The following INPP4B variants were observed in gnomAD, a reference collection of about 807,000 sequenced individuals.
INPP4B encodes the protein inositol polyphosphate-4-phosphatase type II B, also known as inositol polyphosphate 4-phosphatase type II.
In INPP4B, 55 loss-of-function variants were observed where a neutral mutation model predicts 122.5. The ratio of observed to expected loss-of-function variants is 0.45; its 90% CI spans 0.36 to 0.56. The LOEUF is 0.56. Ranked by LOEUF, INPP4B falls within the 20% of genes least tolerant of loss-of-function variation. INPP4B has a pLI of 0.00. For synonymous variants in INPP4B, 403 were observed against 388.7 expected (o/e 1.04, Z -0.43); for missense variants, 1,000 against 1,097.7 (o/e 0.91, Z 1.26).
chr4:142,384,048 G>A, intron 7 of INPP4B: 3 of 701,376 alleles, frequency 4.3e-6, no homozygotes, highest in Non-Finnish European at 7.8e-6. Flanking sequence ...TGAGCAAGTT[G>A]TCTCAAGTTG....
chr4:142,701,363 G>C (rs1021567171), intron 2 of INPP4B, among the ~76,000 whole-genome samples: 1 of 151,930 alleles, frequency 6.6e-6, no homozygotes, highest in Non-Finnish European at 1.5e-5. Context: ...AATGAGGAAG[G>C]TCAACTCTAA....
chr4:142,226,864 C>G (rs1256643294), intron 12 of INPP4B, among the ~76,000 whole-genome samples: 1 of 152,176 alleles, frequency 6.6e-6, no homozygotes, highest in Non-Finnish European at 1.5e-5. Context: ...ATGTTCTACA[C>G]TCCTACACTG....
At chr4:142,801,842 TAAC>T (rs1037197885) in intron 1 of INPP4B, among the ~76,000 whole-genome samples, 7 of 152,176 alleles carry the variant, frequency 4.6e-5, no homozygotes, top group African/African-American at 1.7e-4. Context: ...ACTAAAATAA[TAAC>T]AAATTCTGTT....
intron 2 of INPP4B, among the ~76,000 whole-genome samples, chr4:142,526,332 A>G (rs952718629): frequency 2.0e-5 from 3 of 152,066 alleles, no homozygotes; most frequent in African/African-American, 7.2e-5. Flanking sequence ...AATACTTGCT[A>G]TAGTCACCCT....
At chr4:142,261,062 GA>G (rs1739751254) in intron 10 of INPP4B, among the ~76,000 whole-genome samples, 1 of 152,220 alleles carries the variant, frequency 6.6e-6, no homozygotes, top group African/African-American at 2.4e-5. Flanking sequence ...CAAAAAGTAT[GA>G]GGATCATTTA....
chr4:142,352,802 G>A (rs909373347), intron 7 of INPP4B, among the ~76,000 whole-genome samples: 2 of 151,896 alleles, frequency 1.3e-5, no homozygotes, highest in Non-Finnish European at 2.9e-5. Flanking sequence ...AACAGCATCC[G>A]AATTGCCTGT....
At chr4:142,739,429 G>T (rs555763647) in intron 1 of INPP4B, among the ~76,000 whole-genome samples, 2 of 151,938 alleles carry the variant, frequency 1.3e-5, no homozygotes, top group Non-Finnish European at 2.9e-5. Context: ...CTATAGAATG[G>T]GCATTAGATG....
At chr4:142,200,532 T>C (rs1840198430) in intron 14 of INPP4B, among the ~76,000 whole-genome samples, 1 of 152,096 alleles carries the variant, frequency 6.6e-6, no homozygotes, top group African/African-American at 2.4e-5. Context: ...TCCATATTTA[T>C]TTCCTTATCT....
intron 17 of INPP4B, among the ~76,000 whole-genome samples, chr4:142,158,645 A>G (rs1818474660): frequency 6.6e-6 from 1 of 152,042 alleles, no homozygotes; most frequent in South Asian, 2.1e-4. Flanking sequence ...TTGTTTACAT[A>G]TTTTTATCTA....
At chr4:142,252,806 T>C (rs1446027491) in intron 11 of INPP4B, among the ~76,000 whole-genome samples, 1 of 152,236 alleles carries the variant, frequency 6.6e-6, no homozygotes, top group Non-Finnish European at 1.5e-5. Context: ...CTTCACACTG[T>C]CTTCTAGTGT....
intron 9 of INPP4B, among the ~76,000 whole-genome samples, chr4:142,273,108 A>C (rs1746666711): frequency 6.6e-6 from 1 of 151,996 alleles, no homozygotes; most frequent in Non-Finnish European, 1.5e-5. Flanking sequence ...TACCCATGTG[A>C]ATCTTTGATT....
intron 10 of INPP4B, among the ~76,000 whole-genome samples, chr4:142,268,270 C>T (rs999192799): frequency 5.0e-4 from 66 of 130,940 alleles, no homozygotes; most frequent in Non-Finnish European, 1.2e-4. Flanking sequence ...TTGAAGTGAG[C>T]CAAGATCGCG....
intron 25 of INPP4B, among the ~76,000 whole-genome samples, chr4:142,053,828 G>A (rs1472647507): frequency 6.6e-6 from 1 of 152,016 alleles, no homozygotes; most frequent in African/African-American, 2.4e-5. Flanking sequence ...CGGTGACATA[G>A]ACTCCAGTGA....
rs541501222 is a variant in INPP4B, at chr4:142,832,101, C to A, written c.-254+14108G>T. On this transcript the variant is annotated intron_variant, in intron 1 of 25. Transcript: ENST00000262992. ...TTTAGCTGCCAATTTCTACGGATGG[C>A]TTTAACCAGTGGATTTGATGGAGGT... Among the ~76,000 whole-genome samples, 4 of 152,236 alleles carry A rather than the reference C, an allele frequency of 2.6e-5. No homozygotes were observed. The East Asian group carries it at 7.7e-4, about 29-fold the overall frequency.
intron 2 of INPP4B, among the ~76,000 whole-genome samples, chr4:142,524,298 C>T (rs1321288380): frequency 6.6e-6 from 1 of 152,052 alleles, no homozygotes; most frequent in Non-Finnish European, 1.5e-5. Flanking sequence ...TCCTATTTCT[C>T]CACATCCTCT....
intron 1 of INPP4B, among the ~76,000 whole-genome samples, chr4:142,841,066 A>T (rs1349145094): frequency 2.0e-5 from 3 of 152,076 alleles, no homozygotes; most frequent in Admixed American, 6.5e-5. Context: ...ATTTTTAACT[A>T]CTGCGCATCA....
At chr4:142,582,614 T>C (rs903553902) in intron 2 of INPP4B, among the ~76,000 whole-genome samples, 9 of 152,040 alleles carry the variant, frequency 5.9e-5, no homozygotes, top group African/African-American at 2.2e-4. Context: ...ATAAAGAAAA[T>C]GGTCTAACCA....
intron 2 of INPP4B, among the ~76,000 whole-genome samples, chr4:142,569,634 T>C (rs547156876): frequency 6.6e-6 from 1 of 152,248 alleles, no homozygotes; most frequent in East Asian, 1.9e-4. Flanking sequence ...GTTGTAAAAA[T>C]TTCTCTAAGG....
chr4:142,217,212 T>A (rs972478558), intron 12 of INPP4B, among the ~76,000 whole-genome samples: 1 of 152,204 alleles, frequency 6.6e-6, no homozygotes, highest in Non-Finnish European at 1.5e-5. Flanking sequence ...ATTGTAGCTC[T>A]ATTTAAAGCT....
Sources: gnomAD v4.1 joint callset for allele counts (sites outside exome capture counted in the v4.1 genomes callset) on GRCh38, gnomAD v4.1.1 for gene constraint, MANE v1.5 for transcripts, NCBI Gene and HGNC (gene_info 2026-07-23, HGNC 2026-07-21) for gene names.